DHX30: variants seen among roughly 807,000 people sequenced by gnomAD.
DHX30 encodes ATP-dependent RNA helicase DHX30.
In DHX30, 4 loss-of-function variants were observed where a neutral mutation model predicts 116.9. The ratio of observed to expected loss-of-function variants is 0.03; its 90% CI spans 0.02 to 0.08. DHX30 has a LOEUF of 0.08. Among genes scored for constraint, DHX30 ranks in the 10% least tolerant of loss-of-function variants. The pLI is 1.00. For synonymous variants in DHX30, 697 were observed against 651.7 expected (o/e 1.07, Z -1.06); for missense variants, 871 against 1,595.1 (o/e 0.55, Z 7.73).
At chr3:47,821,660 G>A (rs1052140438) in intron 4 of DHX30, among the ~76,000 whole-genome samples, 5 of 152,002 alleles carry the variant, frequency 3.3e-5, no homozygotes, top group Middle Eastern at 3.4e-3. Flanking sequence ...GTGCAATGGC[G>A]CAATGTCGGC....
chr3:47,846,142 T>A, intron 10 of DHX30, 23 bp from the exon 11 acceptor site: 3 of 1,592,502 alleles, frequency 1.9e-6, no homozygotes, highest in Non-Finnish European at 2.6e-6. Context: ...TTTCATTGTT[T>A]TGCTTGCCTC....
At chr3:47,831,934 T>TC (rs1040111089) in intron 6 of DHX30, among the ~76,000 whole-genome samples, 1 of 148,918 alleles carries the variant, frequency 6.7e-6, no homozygotes, top group African/African-American at 2.4e-5. Flanking sequence ...CTTTTTCTTT[T>TC]TTTTTTTTTT....
intron 4 of DHX30, among the ~76,000 whole-genome samples, chr3:47,824,036 T>A (rs567474299): frequency 6.5e-4 from 94 of 143,608 alleles, no homozygotes; most frequent in Non-Finnish European, 8.8e-4. Flanking sequence ...GGAGCCTTGC[T>A]CTGTCACCCA....
At chr3:47,828,632 G>A (rs371434139) in intron 5 of DHX30, among the ~76,000 whole-genome samples, 3 of 152,018 alleles carry the variant, frequency 2.0e-5, no homozygotes, top group East Asian at 3.9e-4. Flanking sequence ...TTAGCTGGGC[G>A]TGGTGGTGGG....
Position 47,847,318 on chromosome 3 carries a change from G to C in DHX30, c.1975G>C (p.Val659Leu). Residue 659 changes from valine to leucine, a missense_variant, in exon 12 of 22, where the codon GTT (valine) becomes CTT (leucine). Around this residue, in one of 13 missense-constraint regions of DHX30, gnomAD observed 61 missense variants for 106.7 expected, o/e 0.57. Coordinates refer to ENST00000445061, the MANE Select transcript of DHX30 (RefSeq NM_138615.3). This position sits in a 1 kb window ranked among gnomAD's most constrained non-coding sequence, Gnocchi z 5.5. ...CGATTTGGACCTTGTGACTGATCTGGTTCTGCACATCGATGCTCGCGGGGA... is the reference window on the plus strand; with the variant it reads ...CGATTTGGACCTTGTGACTGATCTGCTTCTGCACATCGATGCTCGCGGGGA... Reference protein sequence around the residue: ...ALDLDLVTDLVLHIDARGEPG... With the variant: ...ALDLDLVTDLLLHIDARGEPG... 1 of 1,614,242 alleles carries C rather than the reference G, an allele frequency of 6.2e-7. No homozygotes were observed. Among genetic ancestry groups the C allele is most frequent in the Non-Finnish European group, 8.5e-7 (1 of 1,180,042 alleles).
intron 1 of DHX30, among the ~76,000 whole-genome samples, 170 bp from the exon 2 acceptor site, chr3:47,805,156 G>T (rs2035460077): frequency 6.6e-6 from 1 of 152,158 alleles, no homozygotes; most frequent in African/African-American, 2.4e-5. Context: ...CAATTTAATG[G>T]GCCTAGAATG....
intron 9 of DHX30, 93 bp from the exon 10 acceptor site, chr3:47,845,607 G>T: frequency 7.4e-7 from 1 of 1,357,950 alleles, no homozygotes; most frequent in Non-Finnish European, 9.6e-7. Context: ...GAGATTACTT[G>T]GCACAACTTA....
intron 2 of DHX30, among the ~76,000 whole-genome samples, chr3:47,807,703 CAAAAAAAA>C (rs1202083372): frequency 1.8e-4 from 6 of 32,732 alleles, no homozygotes; most frequent in South Asian, 1.5e-3. Flanking sequence ...GACTCTGTCT[CAAAAAAAA>C]AAAAAAAAAA....
intron 3 of DHX30, among the ~76,000 whole-genome samples, chr3:47,812,182 G>A (rs1265287905): frequency 1.3e-5 from 2 of 149,810 alleles, no homozygotes; most frequent in Non-Finnish European, 3.0e-5. Flanking sequence ...AGCTGAGATC[G>A]TGCCATTGCA....
intron 2 of DHX30, among the ~76,000 whole-genome samples, chr3:47,806,068 T>C (rs1364776468): frequency 6.6e-6 from 1 of 152,052 alleles, no homozygotes; most frequent in Non-Finnish European, 1.5e-5. Flanking sequence ...CTTGGCTCAC[T>C]GCAACCTCCA....
At chr3:47,818,975 T>G (rs2036175379) in intron 4 of DHX30, among the ~76,000 whole-genome samples, 1 of 152,154 alleles carries the variant, frequency 6.6e-6, no homozygotes, top group Non-Finnish European at 1.5e-5. Flanking sequence ...TAAAGTGCTT[T>G]GAAGGTCAAG....
chr3:47,839,048 T>C (rs2037245211), intron 6 of DHX30, among the ~76,000 whole-genome samples: 1 of 151,762 alleles, frequency 6.6e-6, no homozygotes, highest in South Asian at 2.1e-4. Context: ...TAACTGCCTC[T>C]TATATTCCGA....
At chr3:47,817,046 T>C in intron 3 of DHX30, 1 of 757,976 alleles carries the variant, frequency 1.3e-6, no homozygotes, top group Admixed American at 6.2e-5. Context: ...ATCTTTCTCC[T>C]CTTTACCAAT....
intron 2 of DHX30, among the ~76,000 whole-genome samples, chr3:47,806,890 G>A (rs1280611364): frequency 6.6e-6 from 1 of 151,770 alleles, no homozygotes; most frequent in Non-Finnish European, 1.5e-5. Context: ...ACCAAGCCTG[G>A]CCCACTACAA....
chr3:47,810,605 G>T, intron 2 of DHX30, 52 bp from the exon 3 acceptor site: 2 of 1,455,206 alleles, frequency 1.4e-6, no homozygotes, highest in Non-Finnish European at 1.9e-6. Flanking sequence ...TTCTTTGTGG[G>T]TTGCTGGACC....
intron 6 of DHX30, among the ~76,000 whole-genome samples, chr3:47,838,848 C>G (rs1227365725): frequency 6.6e-6 from 1 of 152,180 alleles, no homozygotes; most frequent in African/African-American, 2.4e-5. Flanking sequence ...CTGCATTTCT[C>G]TTCTGCTGCT....
At chr3:47,824,124 T>C (rs2036426242) in intron 4 of DHX30, among the ~76,000 whole-genome samples, 1 of 146,838 alleles carries the variant, frequency 6.8e-6, no homozygotes, top group South Asian at 2.3e-4. Context: ...TGCCTCAGCC[T>C]CCCGAGTAGC....
chr3:47,827,538 T>C, intron 5 of DHX30, 61 bp downstream of exon 5: 1 of 1,565,436 alleles, frequency 6.4e-7, no homozygotes, highest in Non-Finnish European at 8.6e-7. Context: ...CTGTTTGTCC[T>C]TTCTGTCTTA....
rs2107135641 is a variant in DHX30 at position 47,846,788 on chromosome 3, G to A, written c.1716G>A (p.Leu572=). The A allele has an allele frequency of 6.2e-7, 1 of 1,613,758 alleles. No individual in the cohort carries two copies. The highest frequency in any genetic ancestry group is 1.6e-4 in the Middle Eastern group (1 of 6,062). ...GGGACGTGAACACAGACTTTCTGCT[G>A]ATCCTGCTCAAGGGCCTGCAGCGGC... ...HERDVNTDFL[L]ILLKGLQRLN... is the part of the protein sequence containing the mutation. The change falls in exon 11 of 22, where the codon CTG becomes CTA. Residue 572 remains leucine (L), a synonymous_variant. Coordinates refer to ENST00000445061, the MANE Select transcript of DHX30 (RefSeq NM_138615.3).
Sources: allele counts gnomAD v4.1 joint callset (sites outside exome capture counted in the v4.1 genomes callset), GRCh38; gene constraint gnomAD v4.1.1; regional missense constraint gnomAD v4.1.1; non-coding constraint Gnocchi (gnomAD v3.1); transcripts MANE v1.5; gene names NCBI Gene and HGNC (gene_info 2026-07-23, HGNC 2026-07-21).